The following ANKS1B variants were observed in gnomAD, a reference collection of about 807,000 sequenced individuals.
ANKS1B encodes the protein ankyrin repeat and sterile alpha motif domain-containing protein 1B.
In ANKS1B, 36 loss-of-function variants were observed where a neutral mutation model predicts 148.3. The observed-to-expected ratio is 0.24, with a 90% CI of 0.19 to 0.32. ANKS1B has a LOEUF of 0.32. ANKS1B is among the 10% of genes least tolerant of loss of function. The pLI is 1.00. For synonymous variants in ANKS1B, 542 were observed against 560.8 expected (o/e 0.97, Z 0.47); for missense variants, 1,157 against 1,542.6 (o/e 0.75, Z 4.19).
intron 17 of ANKS1B, among the ~76,000 whole-genome samples, chr12:98,925,429 C>T (rs1197484538): frequency 6.6e-6 from 1 of 152,132 alleles, no homozygotes; most frequent in African/African-American, 2.4e-5. Flanking sequence ...CTCATCAAAT[C>T]CCATCTCTAG....
intron 9 of ANKS1B, among the ~76,000 whole-genome samples, chr12:99,630,668 C>T (rs1050308043): frequency 4.6e-5 from 7 of 152,182 alleles, no homozygotes; most frequent in African/African-American, 1.7e-4. Flanking sequence ...CAGTTGTAAT[C>T]ACTTTTCTCA....
rs1490046981 is a variant in ANKS1B at position 99,237,135 on chromosome 12, T to C, written c.2419+7207A>G. Among the ~76,000 whole-genome samples the C allele has an allele frequency of 3.9e-5, 6 of 152,148 alleles. No homozygotes were observed. The East Asian group carries it at 1.2e-3, about 29-fold the overall frequency. Reference sequence around the variant, plus strand: ...GAAGAAAATTGCAAGGATGGTAAGATTTGGGGCTCTTTCATAACTTTTCAA... The same window carrying C: ...GAAGAAAATTGCAAGGATGGTAAGACTTGGGGCTCTTTCATAACTTTTCAA... On this transcript the variant is annotated intron_variant, in intron 14 of 26. Coordinates refer to ENST00000683438, the MANE Select transcript of ANKS1B (RefSeq NM_001352186.2).
chr12:99,803,239 G>A (rs2067169924), intron 4 of ANKS1B, among the ~76,000 whole-genome samples: 1 of 143,750 alleles, frequency 7.0e-6, no homozygotes, highest in Non-Finnish European at 1.5e-5. Flanking sequence ...GGAAAAACTT[G>A]GTAACAATTA....
intron 1 of ANKS1B, among the ~76,000 whole-genome samples, chr12:99,930,702 G>A (rs757896223): frequency 2.0e-5 from 3 of 152,156 alleles, no homozygotes; most frequent in Non-Finnish European, 4.4e-5. Flanking sequence ...AACAGGTGCC[G>A]GAAAGGATGT....
chr12:99,849,692 C>A (rs1311538989), intron 1 of ANKS1B, among the ~76,000 whole-genome samples: 1 of 152,020 alleles, frequency 6.6e-6, no homozygotes. Flanking sequence ...ACTCTCCACA[C>A]AAAAATGTGT....
At chr12:99,680,676 G>A (rs969701385) in intron 8 of ANKS1B, among the ~76,000 whole-genome samples, 3 of 152,152 alleles carry the variant, frequency 2.0e-5, no homozygotes, top group Admixed American at 6.5e-5. Context: ...CAGAAACTGC[G>A]GCAGGCAGGG....
chr12:99,716,220 C>A (rs1253881581), intron 8 of ANKS1B, among the ~76,000 whole-genome samples: 1 of 151,800 alleles, frequency 6.6e-6, no homozygotes, highest in Non-Finnish European at 1.5e-5. Context: ...CCTCTTATCT[C>A]TGCACCCCAA....
At chr12:99,451,957 C>T (rs922441570) in intron 10 of ANKS1B, among the ~76,000 whole-genome samples, 2 of 152,046 alleles carry the variant, frequency 1.3e-5, no homozygotes, top group African/African-American at 4.8e-5. Flanking sequence ...ATCCTAAGTG[C>T]ATCACTTGCA....
At chr12:99,141,766 T>G (rs1183990857) in intron 15 of ANKS1B, among the ~76,000 whole-genome samples, 1 of 152,138 alleles carries the variant, frequency 6.6e-6, no homozygotes, top group Non-Finnish European at 1.5e-5. Context: ...TTATCATACC[T>G]TTTCATGGCT....
intron 15 of ANKS1B, among the ~76,000 whole-genome samples, chr12:99,122,616 A>G (rs2063170898): frequency 6.6e-6 from 1 of 152,212 alleles, no homozygotes; most frequent in South Asian, 2.1e-4. Context: ...ATACATGTCT[A>G]ATCAATTCAG....
intron 12 of ANKS1B, among the ~76,000 whole-genome samples, chr12:99,302,005 G>A (rs1441221632): frequency 1.3e-5 from 2 of 152,070 alleles, no homozygotes; most frequent in Non-Finnish European, 2.9e-5. Flanking sequence ...AGTGTGTACA[G>A]TAGAAGGTTT....
intron 1 of ANKS1B, among the ~76,000 whole-genome samples, chr12:99,960,646 T>C (rs1190582992): frequency 2.0e-5 from 3 of 152,206 alleles, no homozygotes; most frequent in Non-Finnish European, 4.4e-5. Context: ...CTTGCAACTC[T>C]AGATTAATGT....
At chr12:99,102,015 A>C (rs192850140) in intron 15 of ANKS1B, among the ~76,000 whole-genome samples, 2 of 152,292 alleles carry the variant, frequency 1.3e-5, no homozygotes, top group East Asian at 3.9e-4. Context: ...TGGTAGCTGT[A>C]TGAAATGGAT....
chr12:99,235,434 A>G (rs1306301357), intron 14 of ANKS1B, among the ~76,000 whole-genome samples: 2 of 152,212 alleles, frequency 1.3e-5, no homozygotes, highest in African/African-American at 4.8e-5. Context: ...ATCTTTGAAT[A>G]AAGATAGAAT....
intron 1 of ANKS1B, among the ~76,000 whole-genome samples, chr12:99,952,748 T>G (rs2095249982): frequency 6.6e-6 from 1 of 152,202 alleles, no homozygotes; most frequent in Non-Finnish European, 1.5e-5. Context: ...TCAATGTCTT[T>G]TCTATAGGGA....
Position 99,873,636 on chromosome 12 carries a change from A to T in ANKS1B, c.135-48247T>A, listed in dbSNP as rs556967429. On this transcript the variant is annotated intron_variant, in intron 1 of 26. Transcript: ENST00000683438. ...TATTTACAGACCATTCTCTTTCATCATCAGTATATTCATTCAAATCTCTGT... is the reference window on the plus strand; with the variant it reads ...TATTTACAGACCATTCTCTTTCATCTTCAGTATATTCATTCAAATCTCTGT... 8.9e-4 allele frequency among the ~76,000 whole-genome samples: 136 copies of T among 152,276 alleles called. 1 individual carries two copies. Among genetic ancestry groups the T allele is most frequent in the South Asian group, 1.4e-3 (7 of 4,830 alleles).
intron 8 of ANKS1B, among the ~76,000 whole-genome samples, chr12:99,682,285 T>A (rs534860180): frequency 6.6e-6 from 1 of 152,188 alleles, no homozygotes; most frequent in Non-Finnish European, 1.5e-5. Context: ...CAGAACATTT[T>A]CTATCCAACA....
intron 1 of ANKS1B, among the ~76,000 whole-genome samples, chr12:99,975,907 T>C (rs867802105): frequency 6.6e-6 from 1 of 152,204 alleles, no homozygotes; most frequent in Non-Finnish European, 1.5e-5. Flanking sequence ...TTCATGTTCA[T>C]TGCTGTGCTA....
At chr12:99,510,907 C>A (rs894629135) in intron 9 of ANKS1B, among the ~76,000 whole-genome samples, 3 of 151,978 alleles carry the variant, frequency 2.0e-5, no homozygotes, top group Non-Finnish European at 4.4e-5. Flanking sequence ...TGCTTATCAG[C>A]TTAAGAAGCT....
Sources: allele counts gnomAD v4.1 joint callset (sites outside exome capture counted in the v4.1 genomes callset), GRCh38; gene constraint gnomAD v4.1.1; transcripts MANE v1.5; gene names NCBI Gene and HGNC (gene_info 2026-07-23, HGNC 2026-07-21).